Variants in NRL observed in about 807,000 individuals in gnomAD.
The protein encoded by NRL is neural retina leucine zipper.
NRL carries 16 observed loss-of-function variants against 12.5 expected under a neutral mutation model. The ratio of observed to expected loss-of-function variants is 1.28; its 90% CI spans 0.87 to 1.95. The LOEUF (loss-of-function observed/expected upper bound fraction) is 1.95. Ranked by LOEUF, NRL falls within the 30% of genes most tolerant of loss-of-function variation. NRL has a pLI of 0.00. For missense variants in NRL, 314 were observed against 325.8 expected, an observed-to-expected ratio of 0.96 and a Z score of 0.28; for synonymous variants, 142 against 150.9, an observed-to-expected ratio of 0.94 and a Z score of 0.43.
intron 1 of NRL, among the ~76,000 whole-genome samples, chr14:24,090,804 G>A (rs1394125516): frequency 6.6e-6 from 1 of 152,250 alleles, no homozygotes; most frequent in African/African-American, 2.4e-5. Context: ...AATGAGCAGT[G>A]CAAGGAAATC....
chr14:24,085,753 A>T lies in NRL; in HGVS notation c.-27-2878T>A, dbSNP rs1010039525. On this transcript the variant is annotated intron_variant, in intron 1 of 2. Transcript: ENST00000561028. The surrounding 1 kb of genome is among the most constrained non-coding windows in gnomAD (Gnocchi z 4.1). ...ATGTTGGGGAAAAGCTGGCAGATAC[A>T]GATTATCTAAGAAGGTGGTTTCTGA... Among the ~76,000 whole-genome samples, 2 of 152,216 alleles carry T rather than the reference A, an allele frequency of 1.3e-5. No individual in the cohort carries two copies. The highest frequency in any genetic ancestry group is 4.8e-5 in the African/African-American group (2 of 41,452).
At chr14:24,111,597 C>T (rs1375201410) in intron 1 of NRL, among the ~76,000 whole-genome samples, 1 of 151,852 alleles carries the variant, frequency 6.6e-6, no homozygotes, top group Non-Finnish European at 1.5e-5. Context: ...GAACTCCTGA[C>T]CTCAGGTGAT....
Position 24,082,567 on chromosome 14 carries a change from C to T in NRL, c.282G>A (p.Glu94=), listed in dbSNP as rs766180467. The change falls in exon 2 of 3, where the codon GAG becomes GAA. Residue 94 remains glutamate, a synonymous_variant. Coordinates refer to ENST00000561028, the MANE Select transcript of NRL (RefSeq NM_001354768.3). ...CCTGACCCTGCAGCAGCTCCATGGC[C>T]TCTTCAGGACTCAGCCCCAATGCCT... ...AGEALGLSPE[E]AMELLQGQGP... The T allele has an allele frequency of 1.2e-6, 2 of 1,613,696 alleles. No individual in the cohort carries two copies. Among genetic ancestry groups the T allele is most frequent in the Admixed American group, 3.3e-5 (2 of 60,030 alleles).
At chr14:24,114,605 GTC>G (rs953227538) in intron 1 of NRL, 115 bp downstream of exon 1, 1 of 896,994 alleles carries the variant, frequency 1.1e-6, no homozygotes, top group African/African-American at 1.8e-5. Context: ...TAGTTCGGCT[GTC>G]TCTGATTCAG....
chr14:24,098,069 G>C, intron 1 of NRL: 1 of 710,380 alleles, frequency 1.4e-6, no homozygotes, highest in South Asian at 1.9e-5. Context: ...TGGAGGAAGG[G>C]ACTGAGATGT....
chr14:24,099,642 A>G (rs1176500889), intron 1 of NRL: 5 of 1,614,094 alleles, frequency 3.1e-6, no homozygotes, highest in Admixed American at 1.7e-5. Flanking sequence ...CAACCTGGCT[A>G]TGATGCGGCC....
rs960971407 is a variant in NRL, at chr14:24,102,628, A to G, written c.-28+12094T>C. ...CCCCTCTCTCTGCTCCTTATCACAC[A>G]AGGTTCTAGGCAGCTGATGAGGCAA... is the stretch of plus-strand genomic sequence containing the variant. On this transcript the variant is annotated intron_variant, in intron 1 of 2. Transcript: ENST00000561028. The G allele has an allele frequency of 4.1e-5, 31 of 755,740 alleles. No homozygotes were observed. The African/African-American group carries it at 5.1e-4, about 12-fold the overall frequency. The allele number at this position is 755,740 out of a possible 1,614,324, so 46.8% of individuals were successfully genotyped here.
chr14:24,088,690 G>A (rs2138893306), intron 1 of NRL, among the ~76,000 whole-genome samples: 1 of 149,238 alleles, frequency 6.7e-6, no homozygotes, highest in South Asian at 2.1e-4. Context: ...CTGTCGCCCT[G>A]GCTGGAGTGC....
intron 1 of NRL, among the ~76,000 whole-genome samples, chr14:24,112,312 T>C (rs1352469109): frequency 1.3e-5 from 2 of 148,322 alleles, no homozygotes; most frequent in Non-Finnish European, 3.0e-5. Context: ...TTTGGTTGTG[T>C]CTCTGCCCGG....
At chr14:24,114,678 C>T (rs901541661) in intron 1 of NRL, 44 bp downstream of exon 1, 78 of 985,842 alleles carry the variant, frequency 7.9e-5, no homozygotes, top group Admixed American at 6.1e-4. Flanking sequence ...CTTGGGTGTG[C>T]ACTTTCTCCT....
At chr14:24,102,763 G>C (rs1183775471) in intron 1 of NRL, 1 of 1,613,754 alleles carries the variant, frequency 6.2e-7, no homozygotes, top group Non-Finnish European at 8.5e-7. Flanking sequence ...GTGACAAGGA[G>C]CCCTGTGCAC....
At position 24,081,538 on chromosome 14, in the gene NRL, C is replaced by T; in HGVS notation, c.412G>A (p.Val138Ile). 6.2e-7 allele frequency: 1 copy of T among 1,603,832 alleles called. No individual in the cohort carries two copies. The highest frequency in any genetic ancestry group is 8.5e-7 in the Non-Finnish European group (1 of 1,176,528). The change falls in exon 3 of 3, where the codon GTC (valine) becomes ATC (isoleucine). Residue 138 changes from valine to isoleucine, a missense_variant. By Grantham distance (29) the Val-to-Ile change is conservative (BLOSUM62 3). Coordinates refer to ENST00000561028, the MANE Select transcript of NRL (RefSeq NM_001354768.3). This position sits in a 1 kb window ranked among gnomAD's most constrained non-coding sequence, Gnocchi z 4.4. The part of the protein sequence containing the change: ...LAERFSDAAL[V>I]SMSVRELNRQ... ...TTTAGCTCCCGCACAGACATCGAGA[C>T]CAGCGCCGCGTCGGAAAACCGCTCT...
intron 1 of NRL, chr14:24,098,395 G>A: frequency 6.2e-7 from 1 of 1,611,860 alleles, no homozygotes; most frequent in Non-Finnish European, 8.5e-7. Context: ...AGGGTAACCA[G>A]GGCAGGGGCA....
At chr14:24,109,612 A>T (rs2037387947) in intron 1 of NRL, among the ~76,000 whole-genome samples, 1 of 151,474 alleles carries the variant, frequency 6.6e-6, no homozygotes. Flanking sequence ...GCAGGAGAAT[A>T]GCATGAACCC....
intron 1 of NRL, chr14:24,103,902 G>C (rs773009608): frequency 6.2e-7 from 1 of 1,614,170 alleles, no homozygotes; most frequent in Non-Finnish European, 8.5e-7. Context: ...GGTCAACCAG[G>C]ATCTGCCCAA....
intron 1 of NRL, among the ~76,000 whole-genome samples, chr14:24,101,595 G>C (rs1316933005): frequency 6.6e-6 from 1 of 152,192 alleles, no homozygotes; most frequent in Non-Finnish European, 1.5e-5. Context: ...GGTCTAAGCA[G>C]GGCAGGGAAA....
chr14:24,109,608 G>A (rs2037387902), intron 1 of NRL, among the ~76,000 whole-genome samples: 2 of 150,564 alleles, frequency 1.3e-5, no homozygotes, highest in South Asian at 4.2e-4. Flanking sequence ...TGAGGCAGGA[G>A]AATAGCATGA....
intron 1 of NRL, among the ~76,000 whole-genome samples, chr14:24,107,771 T>A (rs186981895): frequency 1.3e-5 from 2 of 152,256 alleles, no homozygotes; most frequent in Non-Finnish European, 2.9e-5. Flanking sequence ...ACAGCCATAT[T>A]TGAGTTGTCA....
chr14:24,081,383 G>C lies in NRL; in HGVS notation c.567C>G (p.Ala189=), dbSNP rs1395214247. 7.0e-7 allele frequency: 1 copy of C among 1,438,770 alleles called. No individual in the cohort carries two copies. The highest frequency in any genetic ancestry group is 1.5e-5 in the South Asian group (1 of 68,468). The allele number at this position is 1,438,770 out of a possible 1,614,324, so 89.1% of individuals were successfully genotyped here. ...KRLQQRRGLE[A]ERARLAAQLD... ...GCTGGGCGGCCAGGCGGGCGCGCTC[G>C]GCCTCCAGCCCGCGCCGCTGCTGCA... Residue 189 remains alanine (A), a synonymous_variant, in exon 3 of 3, where the codon GCC becomes GCG. Transcript: ENST00000561028. This position sits in a 1 kb window ranked among gnomAD's most constrained non-coding sequence, Gnocchi z 4.4.
Sources: allele counts gnomAD v4.1 joint callset (sites outside exome capture counted in the v4.1 genomes callset), GRCh38; gene constraint gnomAD v4.1.1; non-coding constraint Gnocchi (gnomAD v3.1); transcripts MANE v1.5; gene names NCBI Gene and HGNC (gene_info 2026-07-23, HGNC 2026-07-21).